The following TTN variants were observed in gnomAD, a reference collection of about 807,000 sequenced individuals.
TTN encodes the protein titin.
In TTN, 1,525 loss-of-function variants were observed where a neutral mutation model predicts 3,223.0. The ratio of observed to expected loss-of-function variants is 0.47; its 90% CI spans 0.45 to 0.49. The LOEUF (loss-of-function observed/expected upper bound fraction) is 0.49, where lower values mean the gene tolerates loss of function less well. TTN is among the 20% of genes least tolerant of loss of function. The pLI is 0.00. For missense variants in TTN, 40,786 were observed against 43,424.0 expected (o/e 0.94, Z 5.40); for synonymous variants, 14,094 against 15,161.0 (o/e 0.93, Z 5.17).
In TTN at chr2:178,590,449, G is replaced by A. The variant is rs377529060; in HGVS notation, c.61276C>T (p.Leu20426Phe). 44 of 1,612,976 alleles carry A rather than the reference G, an allele frequency of 2.7e-5. 1 individual carries two copies. The East Asian group carries it at 5.4e-4, about 20-fold the overall frequency. Residue 20426 changes from leucine (L) to phenylalanine (F), a missense_variant, in exon 304 of 363, where the codon CTC (leucine) becomes TTC (phenylalanine). Coordinates refer to ENST00000589042, the MANE Select transcript of TTN (RefSeq NM_001267550.2). ...AQWNRINKDELIRQCAFRVPG... is the reference protein window; with the variant it reads ...AQWNRINKDEFIRQCAFRVPG... ...ACCCTAAAGGCACATTGCCTAATGA[G>A]TTCATCTTTATTAATCCTGTTCCAT...
Position 178,567,107 on chromosome 2 carries a change from A to T in TTN, c.79025T>A (p.Val26342Glu). 6.2e-7 allele frequency: 1 copy of T among 1,613,558 alleles called. No homozygotes were observed. The highest frequency in any genetic ancestry group is 8.5e-7 in the Non-Finnish European group (1 of 1,179,602). Residue 26342 changes from valine (V) to glutamate (E), a missense_variant, in exon 326 of 363, where the codon GTG becomes GAG. Coordinates refer to ENST00000589042, the MANE Select transcript of TTN (RefSeq NM_001267550.2). The part of the protein sequence containing the change: ...LAWTVVASEV[V>E]TNSLKVTKLL... ...TTTGGTAACTTTCAGAGAATTGGTCACAACTTCTGAAGCAACAACAGTCCA... is the reference window on the plus strand; with the variant it reads ...TTTGGTAACTTTCAGAGAATTGGTCTCAACTTCTGAAGCAACAACAGTCCA...
intron 243 of TTN, 109 bp from the exon 244 acceptor site, chr2:178,622,117 A>C (rs1179157554): frequency 1.9e-6 from 2 of 1,067,876 alleles, no homozygotes; most frequent in Non-Finnish European, 2.6e-6. Flanking sequence ...ACAAGACTTC[A>C]TAGTGTGAAG....
At position 178,557,276 on chromosome 2, in the gene TTN, G is replaced by A. The variant is rs777177198; in HGVS notation, c.87986C>T (p.Pro29329Leu). 2.5e-6 allele frequency: 4 copies of A among 1,613,832 alleles called. No homozygotes were observed. Among genetic ancestry groups the A allele is most frequent in the Non-Finnish European group, 1.7e-6 (2 of 1,179,852 alleles). ...ACCACAAGCATCAATTGCCAAGACT[G>A]GTTCAGAAGGATGGCTAGGTTTTCC... ...GVGKPSHPSEPVLAIDACEPP... is the reference protein window; with the variant it reads ...GVGKPSHPSELVLAIDACEPP... The change falls in exon 329 of 363, where the codon CCA becomes CTA. Residue 29329 changes from proline to leucine, a missense_variant. Pro to Leu is a moderately conservative substitution (Grantham distance 98). Transcript: ENST00000589042.
In TTN at chr2:178,624,534, G is replaced by A. The variant is rs2058747129; in HGVS notation, c.44746C>T (p.Pro14916Ser). The change falls in exon 242 of 363, where the codon CCA becomes TCA. Residue 14916 changes from proline to serine, a missense_variant. Transcript: ENST00000589042. ...CAAGTGTATGTTTTAATATCCTCTG[G>A]GGTACAGTCATGTATAACAAGTTTT... ...VRKLVIHDCT[P>S]EDIKTYTCDA... 1.2e-6 allele frequency: 2 copies of A among 1,612,634 alleles called. No homozygotes were observed. The highest frequency in any genetic ancestry group is 1.7e-6 in the Non-Finnish European group (2 of 1,179,154).
In TTN at chr2:178,593,625, G is replaced by C; in HGVS notation, c.58675C>G (p.Leu19559Val). ...ACCAGAGGATCACTTATTCCATACA[G>C]ATTTTCAGCATGTATCCGGAAAATA... ...DYIFRIHAEN[L>V]YGISDPLVSD... Residue 19559 changes from leucine to valine, a missense_variant, in exon 298 of 363, where the codon CTG becomes GTG. By Grantham distance (32) the Leu-to-Val change is conservative. Transcript: ENST00000589042. 6.2e-7 allele frequency: 1 copy of C among 1,612,942 alleles called. No individual in the cohort carries two copies.
Position 178,528,609 on chromosome 2 carries a change from A to G in TTN, c.107142T>C (p.Asn35714=), listed in dbSNP as rs1237090002. The G allele has an allele frequency of 1.9e-6, 3 of 1,612,786 alleles. No individual in the cohort carries two copies. Among genetic ancestry groups the G allele is most frequent in the Admixed American group, 3.3e-5 (2 of 59,850 alleles). ...AAGTAAAGAGAACATTTTGTCCTTC[A>G]TTAATATTTTGAGATCTAGGCTGTG... ...FISQPRSQNI[N]EGQNVLFTCE... is the part of the protein sequence containing the mutation. The change falls in exon 360 of 363, where the codon AAT becomes AAC. Residue 35714 remains asparagine (N), a synonymous_variant. Transcript: ENST00000589042.
Position 178,672,108 on chromosome 2 carries a change from T to C in TTN, c.35090A>G (p.His11697Arg), listed in dbSNP as rs1311673822. 2 of 1,612,134 alleles carry C rather than the reference T, an allele frequency of 1.2e-6. No individual in the cohort carries two copies. Among genetic ancestry groups the C allele is most frequent in the Admixed American group, 1.7e-5 (1 of 59,810 alleles). Residue 11697 changes from histidine to arginine, a missense_variant, in exon 155 of 363, where the codon CAT becomes CGT. His to Arg is a conservative substitution (Grantham distance 29). Coordinates refer to ENST00000589042, the MANE Select transcript of TTN (RefSeq NM_001267550.2). ...TAATTTGATGAATTCTTCTACTTCA[T>C]GAAACTCGCCTTCTTCAAAATATTC... is the stretch of plus-strand genomic sequence containing the variant. ...VEEYFEEGEFHEVEEFIKLEQ... is the reference protein window; with the variant it reads ...VEEYFEEGEFREVEEFIKLEQ...
In TTN at chr2:178,574,764, G is replaced by A. The variant is rs775743818; in HGVS notation, c.71368C>T (p.Arg23790Cys). The change falls in exon 326 of 363, where the codon CGC (arginine) becomes TGC (cysteine). Residue 23790 changes from arginine (R) to cysteine (C), a missense_variant. Transcript: ENST00000589042. ...TVIRTTYKAT[R>C]LTTGLEYQFR... ...TGATACTCTAATCCAGTAGTAAGGC[G>A]GGTGGCTTTATAGGTAGTACGTATA... 55 of 1,612,184 alleles carry A rather than the reference G, an allele frequency of 3.4e-5. No individual in the cohort carries two copies. Among genetic ancestry groups the A allele is most frequent in the East Asian group, 4.5e-5 (2 of 44,736 alleles).
rs1335648118 is a variant in TTN, at chr2:178,614,504, C to T, written c.49010G>A (p.Cys16337Tyr). 1 of 1,611,264 alleles carries T rather than the reference C, an allele frequency of 6.2e-7. No homozygotes were observed. The highest frequency in any genetic ancestry group is 8.5e-7 in the Non-Finnish European group (1 of 1,178,404). The change falls in exon 261 of 363, where the codon TGT becomes TAT. Residue 16337 changes from cysteine to tyrosine, a missense_variant. By Grantham distance (194) the Cys-to-Tyr change is radical. Coordinates refer to ENST00000589042, the MANE Select transcript of TTN (RefSeq NM_001267550.2). ...TTCCACCACAGCAGTGGCCCGGCCA[C>T]ACACATTCACAGCCTCAATGATATA... ...GTYIIEAVNV[C>Y]GRATAVVEVN... is the part of the protein sequence containing the mutation.
rs1064796112 is a variant in TTN at position 178,578,631 on chromosome 2, GT to G, written c.68308del (p.Thr22770LeufsTer29). The G allele has an allele frequency of 6.2e-7, 1 of 1,611,628 alleles. No individual in the cohort carries two copies. The highest frequency in any genetic ancestry group is 8.5e-7 in the Non-Finnish European group (1 of 1,178,762). ...AATACCTGTAATTGGAGAACCACCA[GT>G]TTTCTTGGGGTCAGTCCAAGTTAGA... ...VSLTWTDPKK[T>X]GGSPITGYHL... is the part of the protein sequence containing the mutation. On this transcript the variant is annotated frameshift_variant, in exon 321 of 363. Transcript: ENST00000589042. LOFTEE classifies it high-confidence loss of function.
At position 178,601,095 on chromosome 2, in the gene TTN, C is replaced by T. The variant is rs750472100; in HGVS notation, c.55809G>A (p.Pro18603=). The T allele has an allele frequency of 9.0e-5, 145 of 1,603,036 alleles. No individual in the cohort carries two copies. The highest frequency in any genetic ancestry group is 1.7e-4 in the Middle Eastern group (1 of 6,020). The change falls in exon 288 of 363, where the codon CCG becomes CCA. Residue 18603 remains proline, a synonymous_variant. Transcript: ENST00000589042. The stretch of plus-strand genomic sequence containing the variant: ...TAACAGGGGAGCCCCCATCATTCTT[C>T]GGGGGTTTCCATGACAGATGCACTG... ...KNTVHLSWKP[P]KNDGGSPVTH... is the part of the protein sequence containing the mutation.
chr2:178,777,755 C>A lies in TTN; in HGVS notation c.4429G>T (p.Asp1477Tyr). The A allele has an allele frequency of 6.2e-7, 1 of 1,614,000 alleles. No individual in the cohort carries two copies. The highest frequency in any genetic ancestry group is 1.3e-5 in the African/African-American group (1 of 75,032). ...ATAGGTCTACCAACAACCTTTAAGT[C>A]AAATCTGGCAGTTTGCCCTTCTAAA... ...KCLEGQTARF[D>Y]LKVVGRPMPE... The change falls in exon 25 of 363, where the codon GAC (aspartate) becomes TAC (tyrosine). Residue 1477 changes from aspartate (D) to tyrosine (Y), a missense_variant. Asp to Tyr is a radical substitution (Grantham distance 160, BLOSUM62 -3). Coordinates refer to ENST00000589042, the MANE Select transcript of TTN (RefSeq NM_001267550.2).
chr2:178,533,933 C>A lies in TTN; in HGVS notation c.102682G>T (p.Gly34228Cys), dbSNP rs555664963. 1 of 1,613,858 alleles carries A rather than the reference C, an allele frequency of 6.2e-7. No individual in the cohort carries two copies. Among genetic ancestry groups the A allele is most frequent in the Non-Finnish European group, 8.5e-7 (1 of 1,179,858 alleles). ...TAATAGTCATAGACTTCTCTCACAC[C>A]TTTAACAAATAGCTCTGCATAAGAA... ...DSSYAELFVK[G>C]VREVYDYYCR... Residue 34228 changes from glycine to cysteine, a missense_variant, in exon 358 of 363, where the codon GGT becomes TGT. Transcript: ENST00000589042.
chr2:178,714,860 T>G (rs2077227208), intron 90 of TTN, 126 bp downstream of exon 90: 1 of 1,271,024 alleles, frequency 7.9e-7, no homozygotes, highest in South Asian at 1.5e-5. Context: ...GAAAAGGACT[T>G]GGAGAGGAAA....
At chr2:178,696,687 A>G (rs1319474962) in intron 113 of TTN, among the ~76,000 whole-genome samples, 1 of 152,042 alleles carries the variant, frequency 6.6e-6, no homozygotes, top group African/African-American at 2.4e-5. Flanking sequence ...CTAATTTTAA[A>G]CCTAGGTTTT....
chr2:178,558,437 T>C lies in TTN; in HGVS notation c.87022A>G (p.Asn29008Asp). 1 of 1,613,766 alleles carries C rather than the reference T, an allele frequency of 6.2e-7. No individual in the cohort carries two copies. The highest frequency in any genetic ancestry group is 8.5e-7 in the Non-Finnish European group (1 of 1,179,818). Residue 29008 changes from asparagine to aspartate, a missense_variant, in exon 327 of 363, where the codon AAT becomes GAT. Coordinates refer to ENST00000589042, the MANE Select transcript of TTN (RefSeq NM_001267550.2). ...AACACTCGGAAAAAGTATTCAGAAT[T>C]CTCTCTCAGACCGGAAACAACGTGA... Reference protein sequence around the residue: ...THHVVSGLRENSEYFFRVFAE... With the variant: ...THHVVSGLREDSEYFFRVFAE...
In TTN at chr2:178,547,893, G is replaced by A; in HGVS notation, c.93733C>T (p.Pro31245Ser). The A allele has an allele frequency of 1.9e-6, 3 of 1,613,780 alleles. No homozygotes were observed. Among genetic ancestry groups the A allele is most frequent in the Non-Finnish European group, 2.5e-6 (3 of 1,179,820 alleles). Residue 31245 changes from proline to serine, a missense_variant, in exon 339 of 363, where the codon CCC (proline) becomes TCC (serine). Transcript: ENST00000589042. The part of the protein sequence containing the change: ...IDVPISGRPA[P>S]KVTWKLEEMR... ...TCTTCCAGTTTCCATGTTACTTTGG[G>A]GGCAGGACGACCACTGATTGGTACG...
chr2:178,674,444 AT>A, intron 150 of TTN, 35 bp from the exon 151 acceptor site: 2 of 1,280,698 alleles, frequency 1.6e-6, no homozygotes, highest in Non-Finnish European at 2.1e-6. Context: ...AATTATTTTT[AT>A]AATTATTTTG....
rs1401488041 is a variant in TTN, at chr2:178,720,219, A to G, written c.23423T>C (p.Ile7808Thr). ...GGCCCGTAACTCAACAGCATCCCCA[A>G]TAAGGGTTGAGGTGTCACTTAGCTT... ...VKKLSDTSTL[I>T]GDAVELRAIV... Residue 7808 changes from isoleucine to threonine, a missense_variant, in exon 81 of 363, where the codon ATT becomes ACT. Transcript: ENST00000589042. 5.6e-6 allele frequency: 9 copies of G among 1,613,494 alleles called. No homozygotes were observed. The highest frequency in any genetic ancestry group is 2.2e-5 in the South Asian group (2 of 91,048).
Sources: allele counts gnomAD v4.1 joint callset (sites outside exome capture counted in the v4.1 genomes callset), GRCh38; gene constraint gnomAD v4.1.1; transcripts MANE v1.5; gene names NCBI Gene and HGNC (gene_info 2026-07-23, HGNC 2026-07-21).